Variants in PEX5L observed in about 807,000 individuals in gnomAD.
The protein encoded by PEX5L is PEX5-related protein.
Under a neutral mutation model 84.0 loss-of-function variants are expected in PEX5L, and 30 were observed. The observed-to-expected ratio is 0.36, with a 90% CI of 0.27 to 0.48. PEX5L has a LOEUF of 0.48. PEX5L is among the 20% of genes least tolerant of loss of function. The probability of loss-of-function intolerance (pLI) is 0.99; values close to 1 mark genes in which losing one functional copy is unlikely to be tolerated. For synonymous variants in PEX5L, 270 were observed against 283.1 expected, an observed-to-expected ratio of 0.95 and a Z score of 0.46; for missense variants, 533 against 754.6, an observed-to-expected ratio of 0.71 and a Z score of 3.44.
chr3:179,922,471 A>C (rs545393604), intron 2 of PEX5L, among the ~76,000 whole-genome samples: 2 of 143,288 alleles, frequency 1.4e-5, no homozygotes, highest in African/African-American at 5.2e-5. Flanking sequence ...TTTTTTTTGA[A>C]GGAGTCTTGC....
intron 2 of PEX5L, among the ~76,000 whole-genome samples, chr3:179,949,408 C>T (rs1310971647): frequency 6.6e-6 from 1 of 152,086 alleles, no homozygotes; most frequent in Non-Finnish European, 1.5e-5. Context: ...TCAGTATAAA[C>T]TCTGTCAGCA....
intron 1 of PEX5L, among the ~76,000 whole-genome samples, chr3:179,990,425 G>T (rs189763780): frequency 6.6e-6 from 1 of 151,492 alleles, no homozygotes; most frequent in East Asian, 1.9e-4. Flanking sequence ...CAGTGATAGG[G>T]TCTTGCTCTG....
intron 8 of PEX5L, chr3:179,820,208 C>G (rs1033603518): frequency 5.4e-6 from 3 of 551,726 alleles, no homozygotes; most frequent in African/African-American, 1.9e-5. Context: ...TCAGAAAGAC[C>G]AGGACCACAT....
chr3:179,891,273 C>A (rs1160910445), intron 3 of PEX5L, among the ~76,000 whole-genome samples: 3 of 152,156 alleles, frequency 2.0e-5, no homozygotes, highest in African/African-American at 7.2e-5. Flanking sequence ...CTGTGGCTTT[C>A]TTCCACAAAT....
At chr3:180,031,748 G>C (rs753019856) in intron 1 of PEX5L, among the ~76,000 whole-genome samples, 2 of 152,172 alleles carry the variant, frequency 1.3e-5, no homozygotes, top group Non-Finnish European at 2.9e-5. Context: ...GTGTAAAAAA[G>C]CAGCCTGCCA....
intron 1 of PEX5L, among the ~76,000 whole-genome samples, chr3:180,032,375 C>A (rs1168575100): frequency 2.0e-5 from 3 of 152,188 alleles, no homozygotes; most frequent in African/African-American, 7.2e-5. Context: ...CAAAACAACA[C>A]AACAAACCCC....
At chr3:179,845,079 C>A (rs1300141999) in intron 8 of PEX5L, among the ~76,000 whole-genome samples, 1 of 152,086 alleles carries the variant, frequency 6.6e-6, no homozygotes, top group African/African-American at 2.4e-5. Context: ...GATATCTAAT[C>A]CTGTACATAT....
At chr3:179,916,444 T>C (rs2109313028) in intron 2 of PEX5L, among the ~76,000 whole-genome samples, 1 of 152,248 alleles carries the variant, frequency 6.6e-6, no homozygotes, top group East Asian at 1.9e-4. Flanking sequence ...AAAAATGGTA[T>C]ACCAATATAG....
chr3:179,850,262 G>A lies in PEX5L; in HGVS notation c.822+8800C>T, dbSNP rs139108384. Among the ~76,000 whole-genome samples, 267 of 152,170 alleles carry A rather than the reference G, an allele frequency of 1.8e-3. 2 individuals carry two copies. Among genetic ancestry groups the A allele is most frequent in the Middle Eastern group, 0.01 (3 of 294 alleles). On this transcript the variant is annotated intron_variant, in intron 8 of 14. Transcript: ENST00000467460. ...CTAACTCAGCCTCCCAGGTAGCTGG[G>A]ATTACAGGCATGCACCATCATGCCT...
chr3:180,001,465 T>C (rs1240941171), intron 1 of PEX5L, among the ~76,000 whole-genome samples: 1 of 150,230 alleles, frequency 6.7e-6, no homozygotes, highest in Non-Finnish European at 1.5e-5. Context: ...GTAAATAAAC[T>C]CTTTGTGCAC....
At chr3:180,036,506 A>G in intron 1 of PEX5L, 73 bp downstream of exon 1, 2 of 1,425,580 alleles carry the variant, frequency 1.4e-6, no homozygotes, top group Admixed American at 3.3e-5. Context: ...ACTTGACCAC[A>G]GAAACTTGGT....
chr3:179,973,584 A>G, intron 1 of PEX5L: 1 of 983,262 alleles, frequency 1.0e-6, no homozygotes, highest in Non-Finnish European at 1.2e-6. Context: ...CCTCCTCATC[A>G]TAAAAGCTCT....
chr3:179,867,480 G>A (rs903348862), intron 7 of PEX5L, among the ~76,000 whole-genome samples: 3 of 151,688 alleles, frequency 2.0e-5, no homozygotes, highest in Admixed American at 6.6e-5. Flanking sequence ...TTCTTTCTTC[G>A]TGACTTCCAT....
chr3:180,030,265 G>A (rs773381587), intron 1 of PEX5L, among the ~76,000 whole-genome samples: 2 of 152,112 alleles, frequency 1.3e-5, no homozygotes, highest in Non-Finnish European at 2.9e-5. Flanking sequence ...TGGAATAGGG[G>A]CCTATGTGTG....
intron 1 of PEX5L, among the ~76,000 whole-genome samples, chr3:179,986,698 G>A (rs545810928): frequency 2.3e-4 from 35 of 152,122 alleles, no homozygotes; most frequent in African/African-American, 8.4e-4. Flanking sequence ...CACCGCGCCC[G>A]GCCAACATTT....
At chr3:179,878,408 T>C (rs527556621) in intron 5 of PEX5L, among the ~76,000 whole-genome samples, 6 of 152,294 alleles carry the variant, frequency 3.9e-5, no homozygotes, top group African/African-American at 1.4e-4. Flanking sequence ...GTTGCTGTCA[T>C]TCCTCTTAGC....
At chr3:179,856,219 T>G (rs1458301516) in intron 8 of PEX5L, among the ~76,000 whole-genome samples, 1 of 152,250 alleles carries the variant, frequency 6.6e-6, no homozygotes, top group African/African-American at 2.4e-5. Flanking sequence ...TTTTCCTGAT[T>G]TAGTACCTCA....
chr3:179,964,812 T>C (rs888380786), intron 2 of PEX5L, among the ~76,000 whole-genome samples: 1 of 152,218 alleles, frequency 6.6e-6, no homozygotes, highest in South Asian at 2.1e-4. Flanking sequence ...TGCTTTCACC[T>C]CAGTACCTGC....
chr3:179,913,298 C>T (rs1387618022), intron 2 of PEX5L, among the ~76,000 whole-genome samples: 1 of 152,120 alleles, frequency 6.6e-6, no homozygotes, highest in Non-Finnish European at 1.5e-5. Context: ...TAGGCCATCA[C>T]AGTTACTTTA....
Sources: gnomAD v4.1 joint callset for allele counts (sites outside exome capture counted in the v4.1 genomes callset) on GRCh38, gnomAD v4.1.1 for gene constraint, MANE v1.5 for transcripts, NCBI Gene and HGNC (gene_info 2026-07-23, HGNC 2026-07-21) for gene names.